BAHD1: variants seen among roughly 807,000 people sequenced by gnomAD.
The protein encoded by BAHD1 is bromo adjacent homology domain containing 1.
In BAHD1, 20 loss-of-function variants were observed where a neutral mutation model predicts 63.1. The ratio of observed to expected loss-of-function variants is 0.32; its 90% CI spans 0.22 to 0.46. BAHD1 has a LOEUF of 0.46. BAHD1 is among the 20% of genes least tolerant of loss of function. BAHD1 has a pLI of 1.00. For synonymous variants in BAHD1, 408 were observed against 426.8 expected (o/e 0.96, Z 0.54); for missense variants, 939 against 1,071.8 (o/e 0.88, Z 1.73).
At position 40,463,954 on chromosome 15, in the gene BAHD1, G is replaced by T; in HGVS notation, c.1909G>T (p.Gly637Cys). The T allele has an allele frequency of 1.2e-6, 2 of 1,614,210 alleles. No homozygotes were observed. Among genetic ancestry groups the T allele is most frequent in the Non-Finnish European group, 1.7e-6 (2 of 1,180,044 alleles). ...CCGGGACACCGTCCTTCTCAAATCA[G>T]GCCCACGAAAGACCTCCACACCTTA... ...RVRDTVLLKS[G>C]PRKTSTPYVA... Residue 637 changes from glycine to cysteine, a missense_variant, in exon 4 of 7, where the codon GGC becomes TGC. Transcript: ENST00000416165.
chr15:40,468,202 A>G lies in BAHD1; in HGVS notation c.*2072A>G, dbSNP rs1209240705. 1.3e-5 allele frequency: 2 copies of G among 152,602 alleles called. No homozygotes were observed. The highest frequency in any genetic ancestry group is 4.8e-5 in the African/African-American group (2 of 41,432). The allele number at this position is 152,602 out of a possible 1,614,324, so 9.5% of individuals were successfully genotyped here. On this transcript the variant is annotated 3_prime_UTR_variant, in exon 7 of 7. Coordinates refer to ENST00000416165, the MANE Select transcript of BAHD1 (RefSeq NM_014952.5). ...TTAGAAGTACTTCTTTAAGAAAAAA[A>G]TAAATTTGAGAAATTGTATTGATTT...
upstream of BAHD1, among the ~76,000 whole-genome samples, chr15:40,437,536 A>G (rs1420173829): frequency 6.6e-6 from 1 of 152,172 alleles, no homozygotes; most frequent in African/African-American, 2.4e-5. Flanking sequence ...TCCCCCAAAG[A>G]GCTGTGCCCT....
chr15:40,440,350 C>T (rs1029714921), upstream of BAHD1, among the ~76,000 whole-genome samples: 1 of 151,936 alleles, frequency 6.6e-6, no homozygotes, highest in Non-Finnish European at 1.5e-5. Context: ...TCTCAGCAGT[C>T]GGGGCCCTTT....
chr15:40,464,396 G>A, intron 4 of BAHD1, 75 bp from the exon 5 acceptor site: 2 of 1,341,504 alleles, frequency 1.5e-6, no homozygotes, highest in South Asian at 1.3e-5. Context: ...CTCCAGGGCA[G>A]CCAGCCAGCC....
chr15:40,439,420 G>A (rs1191243533), upstream of BAHD1, among the ~76,000 whole-genome samples: 3 of 152,210 alleles, frequency 2.0e-5, no homozygotes, highest in African/African-American at 7.2e-5. Context: ...AGGCTGCCTG[G>A]GTGAGCGCTG....
intron 2 of BAHD1, among the ~76,000 whole-genome samples, chr15:40,461,518 T>C (rs1462015325): frequency 6.6e-6 from 1 of 151,946 alleles, no homozygotes; most frequent in Non-Finnish European, 1.5e-5. Context: ...TGGGCACCTG[T>C]AATCCCAGCT....
Position 40,441,176 on chromosome 15 carries a change from A to T in BAHD1, c.-107A>T, listed in dbSNP as rs1352197927. ...TGACGCAGCAGCGTGGAGCCCGGGAATTGAGCGCCCCCGGGGGGTTCCAGC... is the reference window on the plus strand; with the variant it reads ...TGACGCAGCAGCGTGGAGCCCGGGATTTGAGCGCCCCCGGGGGGTTCCAGC... On this transcript the variant is annotated 5_prime_UTR_variant, in exon 1 of 7. Coordinates refer to ENST00000416165, the MANE Select transcript of BAHD1 (RefSeq NM_014952.5). 6.7e-6 allele frequency: 1 copy of T among 149,982 alleles called. No individual in the cohort carries two copies. Among genetic ancestry groups the T allele is most frequent in the African/African-American group, 2.4e-5 (1 of 41,024 alleles). 9.3% of individuals were successfully genotyped at this position (149,982 alleles called of 1,614,324 possible).
rs74927458 is a variant in BAHD1 at position 40,459,934 on chromosome 15, C to T, written c.1432+38C>T. 8,134 of 1,530,304 alleles carry T rather than the reference C, an allele frequency of 5.3e-3. 136 individuals carry two copies. The highest frequency in any genetic ancestry group is 0.052 in the African/African-American group (3,822 of 72,952). 94.8% of individuals were successfully genotyped at this position (1,530,304 alleles called of 1,614,324 possible). On this transcript the variant is annotated intron_variant, in intron 2 of 6. Coordinates refer to ENST00000416165, the MANE Select transcript of BAHD1 (RefSeq NM_014952.5). ...GGGCCCAAGATGTACTGGGGAGTCTCGGAGACATGGCATCCCAGGAGGTTG... is the reference window on the plus strand; with the variant it reads ...GGGCCCAAGATGTACTGGGGAGTCTTGGAGACATGGCATCCCAGGAGGTTG...
chr15:40,462,339 G>T (rs1334507110), intron 3 of BAHD1, 45 bp downstream of exon 3: 20 of 1,556,822 alleles, frequency 1.3e-5, no homozygotes, highest in Non-Finnish European at 1.7e-5. Context: ...GGGAGGCAGT[G>T]GGGACACATG....
chr15:40,460,162 T>C (rs1269292802), intron 2 of BAHD1, among the ~76,000 whole-genome samples: 3 of 152,160 alleles, frequency 2.0e-5, no homozygotes, highest in African/African-American at 4.8e-5. Flanking sequence ...AGCATTGCAG[T>C]GGTACAGGCC....
Position 40,459,438 on chromosome 15 carries a change from A to G in BAHD1, c.974A>G (p.Lys325Arg). ...PLLMGGQAAL[K>R]PEPGRPGEES... ...CTGATGGGTGGACAGGCGGCTCTGAAGCCGGAGCCTGGGCGCCCAGGCGAG... is the reference window on the plus strand; with the variant it reads ...CTGATGGGTGGACAGGCGGCTCTGAGGCCGGAGCCTGGGCGCCCAGGCGAG... The change falls in exon 2 of 7, where the codon AAG becomes AGG. Residue 325 changes from lysine (K) to arginine (R), a missense_variant. This residue lies in a region of BAHD1 where 797 missense variants were observed against 813.3 expected (regional missense o/e 0.98). Transcript: ENST00000416165. The G allele has an allele frequency of 6.2e-7, 1 of 1,613,430 alleles. No homozygotes were observed. The highest frequency in any genetic ancestry group is 8.5e-7 in the Non-Finnish European group (1 of 1,179,970).
intron 1 of BAHD1, chr15:40,454,442 A>T (rs1458124938): frequency 6.6e-6 from 1 of 152,266 alleles, no homozygotes; most frequent in Non-Finnish European, 1.5e-5. Context: ...CGATTTTGAG[A>T]TCCTGATGCC....
At chr15:40,437,939 C>T (rs1893311500), upstream of BAHD1, among the ~76,000 whole-genome samples, 1 of 152,190 alleles carries the variant, frequency 6.6e-6, no homozygotes, top group South Asian at 2.1e-4. Context: ...AGGGCATCTC[C>T]CTCTGAGGCA....
intron 1 of BAHD1, chr15:40,454,585 G>T (rs1261678311): frequency 6.6e-6 from 1 of 152,208 alleles, no homozygotes; most frequent in Non-Finnish European, 1.5e-5. Context: ...AGCTGTGTCA[G>T]AGCTGGAGAC....
chr15:40,461,961 C>T lies in BAHD1; in HGVS notation c.1482C>T (p.Gly494=). 6.2e-7 allele frequency: 1 copy of T among 1,610,508 alleles called. No homozygotes were observed. The highest frequency in any genetic ancestry group is 2.2e-5 in the East Asian group (1 of 44,768). The change falls in exon 3 of 7, where the codon GGC becomes GGT. Residue 494 remains glycine, a synonymous_variant. Transcript: ENST00000416165. ...GQLEFPLPEA[G]HPASPAHPLL... The stretch of plus-strand genomic sequence containing the variant: ...TGGAATTTCCTCTCCCGGAAGCTGG[C>T]CACCCAGCCTCACCCGCCCACCCAC...
chr15:40,441,839 T>TG (rs1893412566), intron 1 of BAHD1, among the ~76,000 whole-genome samples: 1 of 139,284 alleles, frequency 7.2e-6, no homozygotes, highest in African/African-American at 2.7e-5. Context: ...GACCGGTTAT[T>TG]GCTGGATGGG....
rs945559209 is a variant in BAHD1 at position 40,446,606 on chromosome 15, C to T, written c.-15+5338C>T. ...AAAAAAGGGGTTTGTCTCTCAGCCT[C>T]GCTGATTTGAATTGGGAACTTATTT... On this transcript the variant is annotated intron_variant, in intron 1 of 6. Coordinates refer to ENST00000416165, the MANE Select transcript of BAHD1 (RefSeq NM_014952.5). Among the ~76,000 whole-genome samples the T allele has an allele frequency of 7.2e-5, 11 of 152,174 alleles. 1 individual carries two copies. Among genetic ancestry groups the T allele is most frequent in the East Asian group, 3.8e-4 (2 of 5,206 alleles).
chr15:40,456,507 T>G (rs1595856653), intron 1 of BAHD1, among the ~76,000 whole-genome samples: 1 of 152,228 alleles, frequency 6.6e-6, no homozygotes, highest in East Asian at 1.9e-4. Context: ...CTGCCTCTCC[T>G]TTCCAGTTTT....
chr15:40,458,488 C>T lies in BAHD1; in HGVS notation c.24C>T (p.Ser8=), dbSNP rs1357597505. ...CCATGACACACACTCGGAGAAAGTC[C>T]CTTCCCATGCTGAGTTCGGGCCTCA... MTHTRRK[S]LPMLSSGLTG... The change falls in exon 2 of 7, where the codon TCC becomes TCT. Residue 8 remains serine (S), a synonymous_variant. Coordinates refer to ENST00000416165, the MANE Select transcript of BAHD1 (RefSeq NM_014952.5). This position sits in a 1 kb window ranked among gnomAD's most constrained non-coding sequence, Gnocchi z 4.7. 1 of 1,598,114 alleles carries T rather than the reference C, an allele frequency of 6.3e-7. No homozygotes were observed. Among genetic ancestry groups the T allele is most frequent in the African/African-American group, 1.3e-5 (1 of 74,456 alleles).
Sources: allele counts gnomAD v4.1 joint callset (sites outside exome capture counted in the v4.1 genomes callset), GRCh38; gene constraint gnomAD v4.1.1; regional missense constraint gnomAD v4.1.1; non-coding constraint Gnocchi (gnomAD v3.1); transcripts MANE v1.5; gene names NCBI Gene and HGNC (gene_info 2026-07-23, HGNC 2026-07-21).